Variants in SCUBE2 observed in about 807,000 individuals in gnomAD.
The protein encoded by SCUBE2 is signal peptide, CUB domain and EGF like domain containing 2.
A neutral mutation model predicts 125.9 loss-of-function variants in SCUBE2; 114 were observed. That is an observed-to-expected ratio of 0.91 (90% CI 0.78 to 1.06). The LOEUF is 1.06. Ranked by LOEUF, SCUBE2 falls within the 50% of genes least tolerant of loss-of-function variation. The pLI is 0.00. For missense variants in SCUBE2, 1,255 were observed against 1,301.8 expected, an observed-to-expected ratio of 0.96 and a Z score of 0.55; for synonymous variants, 459 against 492.9, an observed-to-expected ratio of 0.93 and a Z score of 0.91.
At position 9,027,630 on chromosome 11, in the gene SCUBE2, C is replaced by T. The variant is rs755461429; in HGVS notation, c.2504-69G>A. Reference sequence around the variant, plus strand: ...TCTGTCCTGACCACCGCTAGCTTGCCGAGCCCCGCAGCACCCCTGTTGCCA... The same window carrying T: ...TCTGTCCTGACCACCGCTAGCTTGCTGAGCCCCGCAGCACCCCTGTTGCCA... On this transcript the variant is annotated intron_variant, in intron 19 of 22. Transcript: ENST00000649792. 86 of 1,404,014 alleles carry T rather than the reference C, an allele frequency of 6.1e-5. 1 individual carries two copies. The Middle Eastern group carries it at 7.6e-3, about 124-fold the overall frequency. The allele number at this position is 1,404,014 out of a possible 1,614,324, so 87.0% of individuals were successfully genotyped here.
chr11:9,034,583 G>C (rs749032863), intron 16 of SCUBE2, among the ~76,000 whole-genome samples: 3 of 152,152 alleles, frequency 2.0e-5, no homozygotes, highest in Non-Finnish European at 4.4e-5. Flanking sequence ...AGAAGAGGAA[G>C]ATGTCCAGAA....
chr11:9,027,454 G>T lies in SCUBE2; in HGVS notation c.2611C>A (p.Pro871Thr), dbSNP rs1014500485. The T allele has an allele frequency of 3.1e-6, 5 of 1,613,974 alleles. No individual in the cohort carries two copies. The part of the protein sequence containing the change: ...NTECTWTINP[P>T]PKRRILIVVP... ...ACGATCAGGATGCGGCGCTTGGGGG[G>T]TGGGTTGATGGTCCACGTACACTCG... Residue 871 changes from proline to threonine, a missense_variant, in exon 20 of 23, where the codon CCC becomes ACC. Around this residue, in one of 3 missense-constraint regions of SCUBE2, gnomAD observed 515 missense variants for 515.7 expected, o/e 1.00. Coordinates refer to ENST00000649792, the MANE Select transcript of SCUBE2 (RefSeq NM_001367977.2).
Position 9,091,343 on chromosome 11 carries a change from T to G in SCUBE2, c.133+53A>C. Reference sequence around the variant, plus strand: ...TGGACTCCGCCGGGGACCTAAACACTCTTCCTGGCCCTGCCTGCTGTGCCA... The same window carrying G: ...TGGACTCCGCCGGGGACCTAAACACGCTTCCTGGCCCTGCCTGCTGTGCCA... On this transcript the variant is annotated intron_variant, in intron 1 of 22. Transcript: ENST00000649792. The surrounding 1 kb of genome is among the most constrained non-coding windows in gnomAD (Gnocchi z 8.5). 8.0e-7 allele frequency: 1 copy of G among 1,243,306 alleles called. No homozygotes were observed. The highest frequency in any genetic ancestry group is 1.0e-6 in the Non-Finnish European group (1 of 987,490). The allele number at this position is 1,243,306 out of a possible 1,614,324, so 77.0% of individuals were successfully genotyped here. A position where few individuals can be genotyped will look rare whatever the true frequency, so the allele number is the denominator to read the frequency against.
intron 2 of SCUBE2, among the ~76,000 whole-genome samples, chr11:9,083,555 ATT>A (rs530803242): frequency 1.0e-4 from 14 of 139,872 alleles, no homozygotes; most frequent in Admixed American, 2.1e-4. Flanking sequence ...AATAGAATGA[ATT>A]TTTTTTTTTT....
chr11:9,026,093 C>T (rs186679744), intron 20 of SCUBE2: 83 of 426,036 alleles, frequency 1.9e-4, no homozygotes, highest in Non-Finnish European at 2.7e-4. Context: ...CAGCAGCAGC[C>T]CAGGCTGTAC....
intron 9 of SCUBE2, among the ~76,000 whole-genome samples, chr11:9,056,990 C>T (rs1021715505): frequency 6.6e-6 from 1 of 152,184 alleles, no homozygotes; most frequent in Non-Finnish European, 1.5e-5. Flanking sequence ...CCCAGAAATC[C>T]TGGCATTTCT....
chr11:9,026,053 C>A (rs1855725492), intron 20 of SCUBE2, 199 bp from the exon 21 acceptor site: 1 of 547,986 alleles, frequency 1.8e-6, no homozygotes, highest in Non-Finnish European at 3.2e-6. Flanking sequence ...CCAGGGGAGG[C>A]TACACCTGAA....
At chr11:9,030,976 C>A in intron 17 of SCUBE2, 51 bp from the exon 18 acceptor site, 1 of 1,546,170 alleles carries the variant, frequency 6.5e-7, no homozygotes, top group Non-Finnish European at 8.8e-7. Flanking sequence ...CAGACCCTTG[C>A]TCCCCACTCT....
intron 9 of SCUBE2, chr11:9,057,541 T>A (rs1859200974): frequency 7.1e-6 from 1 of 141,502 alleles, no homozygotes. Context: ...TTTTTTGAGA[T>A]GGAGTCTCGC....
At chr11:9,086,227 T>C (rs2135986911) in intron 2 of SCUBE2, among the ~76,000 whole-genome samples, 1 of 152,358 alleles carries the variant, frequency 6.6e-6, no homozygotes, top group Admixed American at 6.5e-5. Context: ...AATCACATTA[T>C]TTTTAAACCC....
At position 9,030,775 on chromosome 11, in the gene SCUBE2, T is replaced by C. The variant is rs774467943; in HGVS notation, c.2324A>G (p.Gln775Arg). 1.3e-5 allele frequency: 21 copies of C among 1,613,762 alleles called. No individual in the cohort carries two copies. In the Middle Eastern group the frequency reaches 4.9e-4, roughly 38 times the overall value. Residue 775 changes from glutamine (Q) to arginine (R), a missense_variant, in exon 18 of 23, where the codon CAG (glutamine) becomes CGG (arginine). Gln to Arg is a conservative substitution (Grantham distance 43). This residue lies in a region of SCUBE2 where 515 missense variants were observed against 515.7 expected (regional missense o/e 1.00). Coordinates refer to ENST00000649792, the MANE Select transcript of SCUBE2 (RefSeq NM_001367977.2). ...GTACTCACCTCTGGTTTCACAGTCC[T>C]GAAAGGAAGTAGCTCCCTGATGTTT... ...ATKHQGATSF[Q>R]DCETRVQCSP... is the part of the protein sequence containing the mutation.
chr11:9,027,494 A>G lies in SCUBE2; in HGVS notation c.2571T>C (p.Asn857=). The change falls in exon 20 of 23, where the codon AAT becomes AAC. Residue 857 remains asparagine (N), a synonymous_variant. Transcript: ENST00000649792. ...GYIESPNYPG[N]YPANTECTWT... ...ACGTACACTCGGTGTTGGCTGGGTA[A>G]TTGCCTGGGTAGTTTGGGGATTCAA... 2 of 1,614,024 alleles carry G rather than the reference A, an allele frequency of 1.2e-6. No individual in the cohort carries two copies. The highest frequency in any genetic ancestry group is 1.7e-6 in the Non-Finnish European group (2 of 1,179,992).
Position 9,021,889 on chromosome 11 carries a change from T to C in SCUBE2, c.2921A>G (p.Gln974Arg). The change falls in exon 22 of 23, where the codon CAG becomes CGG. Residue 974 changes from glutamine (Q) to arginine (R), a missense_variant. By Grantham distance (43) the Gln-to-Arg change is conservative (BLOSUM62 1). Around this residue, in one of 3 missense-constraint regions of SCUBE2, gnomAD observed 515 missense variants for 515.7 expected, o/e 1.00. Transcript: ENST00000649792. ...CCAGGCACTCACCTTAAGTATTTCC[T>C]GATGGTTCTCAGATGCATAGAGCCT... is the stretch of plus-strand genomic sequence containing the variant. ...DGRLYASENH[Q>R]EILKDKKLIK... 6.2e-7 allele frequency: 1 copy of C among 1,613,482 alleles called. No individual in the cohort carries two copies. Among genetic ancestry groups the C allele is most frequent in the Non-Finnish European group, 8.5e-7 (1 of 1,179,454 alleles).
At chr11:9,085,172 C>T (rs992144082) in intron 2 of SCUBE2, among the ~76,000 whole-genome samples, 1 of 152,112 alleles carries the variant, frequency 6.6e-6, no homozygotes, top group Non-Finnish European at 1.5e-5. Flanking sequence ...ACTGCTAAAT[C>T]TAATGTGGGA....
chr11:9,075,340 G>A (rs1318168518), intron 3 of SCUBE2, among the ~76,000 whole-genome samples: 4 of 152,156 alleles, frequency 2.6e-5, no homozygotes, highest in African/African-American at 4.8e-5. Context: ...ATGGGGTATC[G>A]GGATGAATTA....
Position 9,019,553 on chromosome 11 carries a change from A to C in SCUBE2, c.*1492T>G, listed in dbSNP as rs1855147845. On this transcript the variant is annotated 3_prime_UTR_variant, in exon 23 of 23. Coordinates refer to ENST00000649792, the MANE Select transcript of SCUBE2 (RefSeq NM_001367977.2). ...ATGATGTTCAAACTTTTGAAGAGAA[A>C]TCTGAAAATGAATATTTAGGGCCCA... Among the ~76,000 whole-genome samples, 1 of 152,122 alleles carries C rather than the reference A, an allele frequency of 6.6e-6. No individual in the cohort carries two copies. Among genetic ancestry groups the C allele is most frequent in the South Asian group, 2.1e-4 (1 of 4,828 alleles).
chr11:9,066,883 A>T, intron 5 of SCUBE2, 70 bp from the exon 6 acceptor site: 1 of 1,287,858 alleles, frequency 7.8e-7, no homozygotes, highest in Non-Finnish European at 1.1e-6. Flanking sequence ...TTTGCTCCAG[A>T]GAAATTCTGA....
At chr11:9,087,366 G>C (rs1257667697) in intron 2 of SCUBE2, among the ~76,000 whole-genome samples, 1 of 152,282 alleles carries the variant, frequency 6.6e-6, no homozygotes, top group Middle Eastern at 3.4e-3. Context: ...GTAAAGAAGT[G>C]AACATTTGTT....
At chr11:9,052,704 C>G in intron 13 of SCUBE2, 42 bp downstream of exon 13, 1 of 1,422,240 alleles carries the variant, frequency 7.0e-7, no homozygotes, top group South Asian at 1.2e-5. Context: ...GCCCCTTGAA[C>G]ACAGTGAGCC....
Sources: gnomAD v4.1 joint callset for allele counts (sites outside exome capture counted in the v4.1 genomes callset) on GRCh38, gnomAD v4.1.1 for gene constraint, gnomAD v4.1.1 regional missense constraint, Gnocchi (gnomAD v3.1) non-coding constraint, MANE v1.5 for transcripts, NCBI Gene and HGNC (gene_info 2026-07-23, HGNC 2026-07-21) for gene names.